PCDHGA2: variants seen among roughly 807,000 people sequenced by gnomAD.
PCDHGA2 encodes protocadherin gamma-A2.
Under a neutral mutation model 59.2 loss-of-function variants are expected in PCDHGA2, and 40 were observed. The ratio of observed to expected loss-of-function variants is 0.68; its 90% CI spans 0.52 to 0.88. The LOEUF (loss-of-function observed/expected upper bound fraction) is 0.88. PCDHGA2 is among the 40% of genes least tolerant of loss of function. The pLI is 0.00. For synonymous variants in PCDHGA2, 560 were observed against 526.0 expected (o/e 1.06, Z -0.89); for missense variants, 1,226 against 1,204.0 (o/e 1.02, Z -0.27).
At chr5:141,484,061 G>A (rs570687480) in intron 1 of PCDHGA2, among the ~76,000 whole-genome samples, 8 of 152,124 alleles carry the variant, frequency 5.3e-5, no homozygotes, top group Non-Finnish European at 1.0e-4. Context: ...CTGGGGCTAA[G>A]TGAAAAGCTT....
At chr5:141,398,606 C>T in intron 1 of PCDHGA2, 1 of 1,614,000 alleles carries the variant, frequency 6.2e-7, no homozygotes, top group Non-Finnish European at 8.5e-7. Context: ...GCAGAAGATG[C>T]AGATATTGGC....
At chr5:141,482,611 G>A (rs1016481108) in intron 1 of PCDHGA2, among the ~76,000 whole-genome samples, 3 of 150,398 alleles carry the variant, frequency 2.0e-5, no homozygotes, top group African/African-American at 7.4e-5. Context: ...ACACCTAAAT[G>A]AGCCTGGAGA....
rs1368632691 is a variant in PCDHGA2 at position 141,485,071 on chromosome 5, C to A, written c.2425-9736C>A. ...GCCGGCCGAACCGCGCCAGAGCTGG[C>A]GCGGGGAAAGGGAGATAGGTGTCTC... On this transcript the variant is annotated intron_variant, in intron 1 of 3. Coordinates refer to ENST00000394576, the MANE Select transcript of PCDHGA2 (RefSeq NM_018915.4). This position sits in a 1 kb window ranked among gnomAD's most constrained non-coding sequence, Gnocchi z 5.7. 3.3e-6 allele frequency: 3 copies of A among 913,030 alleles called. No individual in the cohort carries two copies. Among genetic ancestry groups the A allele is most frequent in the Non-Finnish European group, 5.1e-6 (3 of 584,604 alleles). 56.6% of individuals were successfully genotyped at this position (913,030 alleles called of 1,614,324 possible).
At chr5:141,374,608 T>A in intron 1 of PCDHGA2, 1 of 1,613,602 alleles carries the variant, frequency 6.2e-7, no homozygotes, top group South Asian at 1.1e-5. Context: ...TCAGTGGTAA[T>A]AGTCACTTCT....
chr5:141,426,297 G>T (rs1056504791), intron 1 of PCDHGA2: 3 of 171,478 alleles, frequency 1.7e-5, no homozygotes, highest in African/African-American at 7.1e-5. Context: ...TGGGAAACAG[G>T]GTGAAGCAGA....
intron 1 of PCDHGA2, chr5:141,359,994 C>A: frequency 9.3e-7 from 1 of 1,074,148 alleles, no homozygotes. Context: ...GGGGAACTTC[C>A]TGCACAAACC....
intron 1 of PCDHGA2, chr5:141,398,645 C>T (rs932721053): frequency 6.2e-7 from 1 of 1,613,936 alleles, no homozygotes; most frequent in African/African-American, 1.3e-5. Flanking sequence ...TATAAACTCT[C>T]TCTTAACCCA....
chr5:141,489,077 C>G lies in PCDHGA2; in HGVS notation c.2425-5730C>G, dbSNP rs957205894. On this transcript the variant is annotated intron_variant, in intron 1 of 3. Coordinates refer to ENST00000394576, the MANE Select transcript of PCDHGA2 (RefSeq NM_018915.4). The surrounding 1 kb of genome is among the most constrained non-coding windows in gnomAD (Gnocchi z 4.5). The stretch of plus-strand genomic sequence containing the variant: ...AGCTCCCCTCCCCCCTGCCCACCCC[C>G]GCCACTCGGTGACTAAGAACTGCTG... 7 of 325,684 alleles carry G rather than the reference C, an allele frequency of 2.1e-5. No homozygotes were observed. Among genetic ancestry groups the G allele is most frequent in the Non-Finnish European group, 3.9e-5 (7 of 181,468 alleles). The allele number at this position is 325,684 out of a possible 1,614,324, so 20.2% of individuals were successfully genotyped here.
chr5:141,398,367 G>A, intron 1 of PCDHGA2: 1 of 1,430,476 alleles, frequency 7.0e-7, no homozygotes, highest in Non-Finnish European at 9.7e-7. Context: ...TGAGCGCAGA[G>A]AGCGGGGAGT....
At chr5:141,356,957 A>G (rs773071965) in intron 1 of PCDHGA2, 7 of 1,614,206 alleles carry the variant, frequency 4.3e-6, no homozygotes, top group Non-Finnish European at 5.9e-6. Context: ...GATTCCGGCT[A>G]CCTGGTGACC....
chr5:141,365,129 A>G, intron 1 of PCDHGA2: 1 of 1,613,908 alleles, frequency 6.2e-7, no homozygotes, highest in Non-Finnish European at 8.5e-7. Context: ...GCTAACCGCC[A>G]CGGATCCAGA....
At chr5:141,399,663 G>T (rs766997364) in intron 1 of PCDHGA2, 4 of 1,613,506 alleles carry the variant, frequency 2.5e-6, no homozygotes, top group Admixed American at 3.3e-5. Context: ...TGGTGTTCGC[G>T]CAGCGCGCCT....
rs769351399 is a variant in PCDHGA2, at chr5:141,432,649, A to G, written c.2425-62158A>G. The G allele has an allele frequency of 6.2e-7, 1 of 1,613,742 alleles. No homozygotes were observed. The highest frequency in any genetic ancestry group is 1.1e-5 in the South Asian group (1 of 91,054). ...ACACGGGCGAGGTGCGCACGGCGCG[A>G]GCCCTGCTGGACAGAGACGCGCTCA... is the stretch of plus-strand genomic sequence containing the variant. On this transcript the variant is annotated intron_variant, in intron 1 of 3. Coordinates refer to ENST00000394576, the MANE Select transcript of PCDHGA2 (RefSeq NM_018915.4). The surrounding 1 kb of genome is among the most constrained non-coding windows in gnomAD (Gnocchi z 6.0).
chr5:141,388,355 C>T (rs1204433407), intron 1 of PCDHGA2: 6 of 1,613,954 alleles, frequency 3.7e-6, no homozygotes, highest in Non-Finnish European at 5.1e-6. Flanking sequence ...TAGGATCTGC[C>T]CATGATGCGG....
In PCDHGA2 at chr5:141,433,177, A is replaced by T; in HGVS notation, c.2425-61630A>T. 1.9e-6 allele frequency: 3 copies of T among 1,608,174 alleles called. No homozygotes were observed. The Middle Eastern group carries it at 5.0e-4, about 267-fold the overall frequency. Reference sequence around the variant, plus strand: ...TATTTTCTAAAGACAGTCATGGGTTAATTGAGGTGAGTTTATATCAAATCT... The same window carrying T: ...TATTTTCTAAAGACAGTCATGGGTTTATTGAGGTGAGTTTATATCAAATCT... On this transcript the variant is annotated intron_variant, in intron 1 of 3. Coordinates refer to ENST00000394576, the MANE Select transcript of PCDHGA2 (RefSeq NM_018915.4).
chr5:141,434,092 A>C (rs1333686339), intron 1 of PCDHGA2, among the ~76,000 whole-genome samples: 1 of 152,172 alleles, frequency 6.6e-6, no homozygotes, highest in Non-Finnish European at 1.5e-5. Context: ...TTTGATGCTG[A>C]AATTGTCCCA....
chr5:141,426,909 G>A (rs1293364217), intron 1 of PCDHGA2: 1 of 456,744 alleles, frequency 2.2e-6, no homozygotes, highest in Non-Finnish European at 4.4e-6. Flanking sequence ...TCATCTCCTG[G>A]TCCTGGAAGC....
rs145288114 is a variant in PCDHGA2 at position 141,477,334 on chromosome 5, C to T, written c.2425-17473C>T. On this transcript the variant is annotated intron_variant, in intron 1 of 3. Coordinates refer to ENST00000394576, the MANE Select transcript of PCDHGA2 (RefSeq NM_018915.4). This position sits in a 1 kb window ranked among gnomAD's most constrained non-coding sequence, Gnocchi z 4.9. ...GCCTTACTTCTTCCCTCAAGAATTA[C>T]TTCACTTTGAAAACCAGTGCAGACC... is the stretch of plus-strand genomic sequence containing the variant. 1.3e-4 allele frequency: 215 copies of T among 1,614,074 alleles called. No homozygotes were observed. Among genetic ancestry groups the T allele is most frequent in the Non-Finnish European group, 1.8e-4 (210 of 1,180,044 alleles).
intron 1 of PCDHGA2, among the ~76,000 whole-genome samples, chr5:141,472,357 C>T (rs1020143523): frequency 2.4e-4 from 37 of 152,012 alleles, no homozygotes; most frequent in Non-Finnish European, 1.5e-4. Context: ...CTGGCTAACA[C>T]GGTGAAACCC....
Sources: gnomAD v4.1 joint callset for allele counts (sites outside exome capture counted in the v4.1 genomes callset) on GRCh38, gnomAD v4.1.1 for gene constraint, Gnocchi (gnomAD v3.1) non-coding constraint, MANE v1.5 for transcripts, NCBI Gene and HGNC (gene_info 2026-07-23, HGNC 2026-07-21) for gene names.